Variants in CSMD3 observed in about 807,000 individuals in gnomAD.
The protein encoded by CSMD3 is CUB and sushi domain-containing protein 3.
In CSMD3, 177 loss-of-function variants were observed where a neutral mutation model predicts 435.2. The ratio of observed to expected loss-of-function variants is 0.41; its 90% CI spans 0.36 to 0.46. The LOEUF (loss-of-function observed/expected upper bound fraction) is 0.46. Among genes scored for constraint, CSMD3 ranks in the 20% least tolerant of loss-of-function variants. The pLI is 0.34. For missense variants in CSMD3, 4,265 were observed against 4,504.6 expected, an observed-to-expected ratio of 0.95 and a Z score of 1.52; for synonymous variants, 1,656 against 1,520.5, an observed-to-expected ratio of 1.09 and a Z score of -2.07.
At chr8:112,846,663 G>A (rs970050238) in intron 11 of CSMD3, among the ~76,000 whole-genome samples, 2 of 151,876 alleles carry the variant, frequency 1.3e-5, no homozygotes, top group African/African-American at 4.8e-5. Context: ...TCCCACCTTG[G>A]CCTCCCAAAG....
intron 40 of CSMD3, among the ~76,000 whole-genome samples, chr8:112,348,732 A>G (rs1825886159): frequency 6.6e-6 from 1 of 152,162 alleles, no homozygotes; most frequent in Admixed American, 6.5e-5. Flanking sequence ...CCCCAACTTT[A>G]CTAAAAATAC....
chr8:112,620,135 T>C (rs1586821448), intron 22 of CSMD3, among the ~76,000 whole-genome samples: 1 of 152,218 alleles, frequency 6.6e-6, no homozygotes, highest in East Asian at 1.9e-4. Flanking sequence ...ATATGACAAC[T>C]GGCCCAATAT....
At chr8:113,206,595 T>C (rs999712539) in intron 3 of CSMD3, among the ~76,000 whole-genome samples, 2 of 152,134 alleles carry the variant, frequency 1.3e-5, no homozygotes, top group African/African-American at 4.8e-5. Flanking sequence ...CCATGTTAAT[T>C]GCCTAGTTTT....
chr8:113,397,691 T>G (rs1017429860), intron 1 of CSMD3, among the ~76,000 whole-genome samples: 2 of 151,626 alleles, frequency 1.3e-5, no homozygotes, highest in Non-Finnish European at 2.9e-5. Context: ...CGTGGCGGGC[T>G]CCTGTAGTCC....
intron 32 of CSMD3, among the ~76,000 whole-genome samples, chr8:112,460,302 C>A (rs1817312691): frequency 6.6e-6 from 1 of 151,804 alleles, no homozygotes; most frequent in Non-Finnish European, 1.5e-5. Context: ...TAGATCTTTA[C>A]CCACAATGAG....
chr8:112,785,963 T>C (rs1344814722), intron 13 of CSMD3, among the ~76,000 whole-genome samples: 1 of 152,024 alleles, frequency 6.6e-6, no homozygotes, highest in Admixed American at 6.6e-5. Context: ...AGACCCAGAA[T>C]TGCCAAAGCC....
rs553273934 is a variant in CSMD3 at position 112,413,133 on chromosome 8, C to G, written c.5396-4101G>C. On this transcript the variant is annotated intron_variant, in intron 32 of 70. Coordinates refer to ENST00000297405, the MANE Select transcript of CSMD3 (RefSeq NM_198123.2). ...TCTGGAGAAATCACTTAGAGGAAAA[C>G]TAATTTATATCACATTGCTATAACC... Among the ~76,000 whole-genome samples, 11 of 152,188 alleles carry G rather than the reference C, an allele frequency of 7.2e-5. No individual in the cohort carries two copies. In the East Asian group the frequency reaches 1.9e-3, roughly 27 times the overall value.
At chr8:112,810,190 T>C (rs2079186141) in intron 12 of CSMD3, among the ~76,000 whole-genome samples, 1 of 152,192 alleles carries the variant, frequency 6.6e-6, no homozygotes, top group South Asian at 2.1e-4. Context: ...GATCTGCTTA[T>C]AAGTTCAACA....
At chr8:112,551,272 T>G (rs897136271) in intron 26 of CSMD3, among the ~76,000 whole-genome samples, 2 of 152,112 alleles carry the variant, frequency 1.3e-5, no homozygotes, top group African/African-American at 4.8e-5. Context: ...TTTATCTTAA[T>G]TTTACAAATA....
At chr8:112,319,845 A>T (rs2130865740) in intron 46 of CSMD3, 56 bp downstream of exon 46, 2 of 1,264,974 alleles carry the variant, frequency 1.6e-6, no homozygotes, top group Non-Finnish European at 2.3e-6. Context: ...GCTTATTTTT[A>T]AGCAAATAGT....
intron 32 of CSMD3, among the ~76,000 whole-genome samples, chr8:112,443,562 T>A (rs978302140): frequency 2.6e-5 from 4 of 152,180 alleles, no homozygotes; most frequent in African/African-American, 9.6e-5. Flanking sequence ...GTCAAAGATG[T>A]TAAACATATA....
At chr8:113,025,226 G>A (rs1277436982) in intron 5 of CSMD3, among the ~76,000 whole-genome samples, 1 of 152,048 alleles carries the variant, frequency 6.6e-6, no homozygotes, top group Non-Finnish European at 1.5e-5. Context: ...TCTGGTAGAA[G>A]AGTCACCTTT....
At chr8:112,674,542 C>T (rs1004795134) in intron 16 of CSMD3, among the ~76,000 whole-genome samples, 1 of 152,104 alleles carries the variant, frequency 6.6e-6, no homozygotes, top group Non-Finnish European at 1.5e-5. Context: ...CACCCTATAA[C>T]TCTGTTGGAT....
chr8:112,527,452 A>T (rs1010003229), intron 27 of CSMD3, among the ~76,000 whole-genome samples: 5 of 152,000 alleles, frequency 3.3e-5, no homozygotes, highest in Admixed American at 3.3e-4. Flanking sequence ...AAAGTAAGAG[A>T]TAAAAAGAAT....
At chr8:113,030,426 A>G (rs10104848) in intron 5 of CSMD3, among the ~76,000 whole-genome samples, 1,414 of 48,108 alleles carry the variant, frequency 0.029, 3 homozygotes, top group East Asian at 0.15. Context: ...GTAAAAAAAA[A>G]AAAAAAAAAA....
chr8:112,467,165 T>C (rs989640298), intron 32 of CSMD3, among the ~76,000 whole-genome samples: 1 of 152,170 alleles, frequency 6.6e-6, no homozygotes, highest in Non-Finnish European at 1.5e-5. Flanking sequence ...GATTTAGGGA[T>C]TCATACATTT....
At chr8:112,653,999 G>C (rs564558281) in intron 18 of CSMD3, among the ~76,000 whole-genome samples, 189 of 151,072 alleles carry the variant, frequency 1.3e-3, no homozygotes, top group African/African-American at 4.5e-3. Flanking sequence ...CCATGTTTTG[G>C]GGGGCAGATA....
intron 3 of CSMD3, among the ~76,000 whole-genome samples, chr8:113,263,204 A>C (rs530270099): frequency 3.2e-4 from 49 of 152,092 alleles, no homozygotes; most frequent in African/African-American, 1.2e-3. Flanking sequence ...GAAAGAACCA[A>C]AAATATTGAT....
intron 13 of CSMD3, among the ~76,000 whole-genome samples, chr8:112,738,342 T>A (rs954080185): frequency 6.6e-6 from 1 of 151,774 alleles, no homozygotes; most frequent in Non-Finnish European, 1.5e-5. Flanking sequence ...AGGTCCTTGG[T>A]ATGTAAGTGT....
Sources: gnomAD v4.1 joint callset for allele counts (sites outside exome capture counted in the v4.1 genomes callset) on GRCh38, gnomAD v4.1.1 for gene constraint, MANE v1.5 for transcripts, NCBI Gene and HGNC (gene_info 2026-07-23, HGNC 2026-07-21) for gene names.